The following LRRC4C variants were observed in gnomAD, a reference collection of about 807,000 sequenced individuals.
LRRC4C encodes leucine-rich repeat-containing protein 4C.
Under a neutral mutation model 33.6 loss-of-function variants are expected in LRRC4C, and 5 were observed. That is an observed-to-expected ratio of 0.15 (90% CI 0.08 to 0.31). LRRC4C has a LOEUF of 0.31. Among genes scored for constraint, LRRC4C ranks in the 10% least tolerant of loss-of-function variants. The probability of loss-of-function intolerance (pLI) is 1.00; values close to 1 mark genes in which losing one functional copy is unlikely to be tolerated. For synonymous variants in LRRC4C, 329 were observed against 302.0 expected (o/e 1.09, Z -0.93); for missense variants, 560 against 796.7 (o/e 0.70, Z 3.58).
At chr11:40,454,298 A>G (rs1017003176) in intron 3 of LRRC4C, among the ~76,000 whole-genome samples, 1 of 152,016 alleles carries the variant, frequency 6.6e-6, no homozygotes, top group African/African-American at 2.4e-5. Context: ...TATCCCTATA[A>G]TCTTCTCACT....
intron 1 of LRRC4C, among the ~76,000 whole-genome samples, chr11:41,083,091 G>A (rs1464818798): frequency 6.6e-6 from 1 of 151,982 alleles, no homozygotes; most frequent in Non-Finnish European, 1.5e-5. Context: ...ATTGTGCAAG[G>A]TGTAAAGAAA....
chr11:40,937,603 A>ATGTGTGTGTGTGTGTGTGTG (rs35416837), intron 1 of LRRC4C, among the ~76,000 whole-genome samples: 1 of 135,900 alleles, frequency 7.4e-6, no homozygotes, highest in Non-Finnish European at 1.6e-5. Context: ...GTGTGTGTAT[A>ATGTGTGTGTGTGTGTGTGTG]TGTGTGTGTG....
intron 3 of LRRC4C, among the ~76,000 whole-genome samples, chr11:40,345,958 T>G (rs1401401250): frequency 6.6e-6 from 1 of 152,074 alleles, no homozygotes; most frequent in Non-Finnish European, 1.5e-5. Context: ...CAGCTCAACA[T>G]CACTGATCAT....
chr11:41,141,052 G>C (rs1943481867), intron 1 of LRRC4C, among the ~76,000 whole-genome samples: 1 of 152,110 alleles, frequency 6.6e-6, no homozygotes, highest in Admixed American at 6.6e-5. Context: ...TCTAAAAGTA[G>C]ATCTAGTAGT....
In LRRC4C at chr11:40,621,652, G is replaced by A. The variant is rs1962463029; in HGVS notation, c.-270+26490C>T. On this transcript the variant is annotated intron_variant, in intron 3 of 6. Transcript: ENST00000528697. Reference sequence around the variant, plus strand: ...CATGTTATATACTGAATTTCAAGATGCAGGAGGGATGGAACCTTGTCTAAC... The same window carrying A: ...CATGTTATATACTGAATTTCAAGATACAGGAGGGATGGAACCTTGTCTAAC... 3.3e-5 allele frequency among the ~76,000 whole-genome samples: 5 copies of A among 151,806 alleles called. No homozygotes were observed. The South Asian group carries it at 1.0e-3, about 31-fold the overall frequency.
chr11:41,217,427 A>G (rs953638713), intron 1 of LRRC4C, among the ~76,000 whole-genome samples: 1 of 152,206 alleles, frequency 6.6e-6, no homozygotes, highest in African/African-American at 2.4e-5. Flanking sequence ...AACTTGCCCA[A>G]GGTCAAACAA....
At chr11:41,098,468 A>G (rs1940957926) in intron 1 of LRRC4C, among the ~76,000 whole-genome samples, 1 of 152,180 alleles carries the variant, frequency 6.6e-6, no homozygotes, top group Non-Finnish European at 1.5e-5. Flanking sequence ...CTGCAAAATC[A>G]GATTGCTTCC....
At chr11:40,671,609 C>A (rs1476436840) in intron 2 of LRRC4C, among the ~76,000 whole-genome samples, 2 of 150,822 alleles carry the variant, frequency 1.3e-5, no homozygotes, top group South Asian at 4.2e-4. Context: ...TACCCAATGC[C>A]GCTTAATGTC....
intron 3 of LRRC4C, among the ~76,000 whole-genome samples, chr11:40,361,780 C>A (rs1281197208): frequency 6.6e-6 from 1 of 152,034 alleles, no homozygotes; most frequent in Non-Finnish European, 1.5e-5. Context: ...TTCAGATGAA[C>A]CCAAAAAAGT....
At chr11:40,521,625 C>T (rs1206304709) in intron 3 of LRRC4C, among the ~76,000 whole-genome samples, 1 of 152,072 alleles carries the variant, frequency 6.6e-6, no homozygotes, top group Non-Finnish European at 1.5e-5. Flanking sequence ...AATCCCAGCA[C>T]TTTGGGAGGC....
intron 2 of LRRC4C, among the ~76,000 whole-genome samples, chr11:40,851,782 A>G (rs1237420658): frequency 6.6e-6 from 1 of 152,156 alleles, no homozygotes; most frequent in Non-Finnish European, 1.5e-5. Flanking sequence ...AAATAAATAA[A>G]TAAATAATAA....
At chr11:40,276,975 A>G (rs1943154715) in intron 4 of LRRC4C, among the ~76,000 whole-genome samples, 1 of 152,024 alleles carries the variant, frequency 6.6e-6, no homozygotes, top group Non-Finnish European at 1.5e-5. Context: ...ATATCACTAT[A>G]TCTCTTCCTG....
chr11:40,892,543 T>A (rs904699367), intron 2 of LRRC4C, among the ~76,000 whole-genome samples: 5 of 152,056 alleles, frequency 3.3e-5, no homozygotes, highest in Non-Finnish European at 5.9e-5. Flanking sequence ...AAAATCAAAA[T>A]GTCCATCAAC....
chr11:41,231,892 T>C (rs1045122675), intron 1 of LRRC4C, among the ~76,000 whole-genome samples: 12 of 151,920 alleles, frequency 7.9e-5, no homozygotes, highest in African/African-American at 2.9e-4. Context: ...TGGGTCTTTT[T>C]AGTGGATTTT....
At chr11:40,553,131 G>A (rs919276715) in intron 3 of LRRC4C, among the ~76,000 whole-genome samples, 23 of 152,166 alleles carry the variant, frequency 1.5e-4, no homozygotes, top group African/African-American at 5.3e-4. Flanking sequence ...AATTAGCCCG[G>A]CGTAGTGACA....
intron 5 of LRRC4C, among the ~76,000 whole-genome samples, chr11:40,169,142 G>T (rs886649453): frequency 2.0e-5 from 3 of 152,136 alleles, no homozygotes; most frequent in African/African-American, 7.2e-5. Context: ...TGTATATGAG[G>T]TTCTAAGAAT....
intron 1 of LRRC4C, among the ~76,000 whole-genome samples, chr11:41,453,827 C>A (rs1357860126): frequency 6.6e-6 from 1 of 152,014 alleles, no homozygotes; most frequent in African/African-American, 2.4e-5. Flanking sequence ...CAGTATATCA[C>A]AAAAGGAATT....
intron 2 of LRRC4C, among the ~76,000 whole-genome samples, chr11:40,701,251 G>A (rs4420250): frequency 0.33 from 50,238 of 151,798 alleles, 8,422 homozygotes; most frequent in East Asian, 0.44. Context: ...TTTCCTTTCC[G>A]AACCACAGTA....
chr11:41,283,978 T>G (rs184661597), intron 1 of LRRC4C, among the ~76,000 whole-genome samples: 101 of 152,342 alleles, frequency 6.6e-4, no homozygotes, highest in African/African-American at 2.4e-3. Context: ...CTGCTCTGTA[T>G]GGAGTAACCC....
Sources: allele counts gnomAD v4.1 joint callset (sites outside exome capture counted in the v4.1 genomes callset), GRCh38; gene constraint gnomAD v4.1.1; transcripts MANE v1.5; gene names NCBI Gene and HGNC (gene_info 2026-07-23, HGNC 2026-07-21).